IFI16: variants seen among roughly 807,000 people sequenced by gnomAD.
IFI16 encodes gamma-interferon-inducible protein 16.
A neutral mutation model predicts 68.4 loss-of-function variants in IFI16; 49 were observed. The ratio of observed to expected loss-of-function variants is 0.72; its 90% CI spans 0.57 to 0.91. The LOEUF (loss-of-function observed/expected upper bound fraction) is 0.91, where lower values mean the gene tolerates loss of function less well. Among genes scored for constraint, IFI16 ranks in the 40% least tolerant of loss-of-function variants. The probability of loss-of-function intolerance (pLI) is 0.00; values close to 1 mark genes in which losing one functional copy is unlikely to be tolerated. For missense variants in IFI16, 878 were observed against 942.9 expected (o/e 0.93, Z 0.90); for synonymous variants, 307 against 315.0 (o/e 0.97, Z 0.27).
chr1:159,025,629 C>T (rs1429368815), intron 6 of IFI16, among the ~76,000 whole-genome samples: 1 of 152,134 alleles, frequency 6.6e-6, no homozygotes, highest in East Asian at 1.9e-4. Flanking sequence ...TGTGGGTTGT[C>T]TGTTTACTGA....
At position 159,015,774 on chromosome 1, in the gene IFI16, GA is replaced by G. The variant is rs1398845827; in HGVS notation, c.266-97del. 3.5e-6 allele frequency: 3 copies of G among 869,196 alleles called. No individual in the cohort carries two copies. In the African/African-American group the frequency reaches 5.0e-5, roughly 15 times the overall value. 53.8% of individuals were successfully genotyped at this position (869,196 alleles called of 1,614,324 possible). On this transcript the variant is annotated intron_variant, in intron 2 of 11. Coordinates refer to ENST00000295809, the MANE Select transcript of IFI16 (RefSeq NM_001376587.1). ...ACAGCTGAACCCTCAAGCAGGAACT[GA>G]GAGCAAATTGTATTGAAACTGCTTC...
At chr1:159,029,301 A>C (rs762239277) in intron 6 of IFI16, among the ~76,000 whole-genome samples, 21 of 152,216 alleles carry the variant, frequency 1.4e-4, no homozygotes, top group Non-Finnish European at 2.5e-4. Context: ...TTGTTTAAGG[A>C]GGCTAAAGAT....
At chr1:159,018,803 A>G (rs546439517) in intron 5 of IFI16, 152 bp downstream of exon 5, 4 of 625,832 alleles carry the variant, frequency 6.4e-6, no homozygotes, top group Non-Finnish European at 1.1e-5. Flanking sequence ...CTCTGAAGAT[A>G]AGACTGGGAT....
chr1:159,007,111 A>C (rs1186850451), upstream of IFI16, among the ~76,000 whole-genome samples: 1 of 152,246 alleles, frequency 6.6e-6, no homozygotes, highest in Non-Finnish European at 1.5e-5. Context: ...TTGACTTCTA[A>C]TTTCAACTGA....
rs71757653 is a variant in IFI16 at position 159,019,261 on chromosome 1, CA to C, written c.972+622del. Among the ~76,000 whole-genome samples, 968 of 142,218 alleles carry C rather than the reference CA, an allele frequency of 6.8e-3. 2 individuals carry two copies. Among genetic ancestry groups the C allele is most frequent in the African/African-American group, 0.013 (503 of 39,616 alleles). The allele number at this position is 142,218 out of a possible 152,430, so 93.3% of individuals were successfully genotyped here. A position where few individuals can be genotyped will look rare whatever the true frequency, so the allele number is the denominator to read the frequency against. ...AAATTTGTCATTTATATATAAATAA[CA>C]AAAAAAAAAAATAGAGTACAGAGTG... On this transcript the variant is annotated intron_variant, in intron 5 of 11. Coordinates refer to ENST00000295809, the MANE Select transcript of IFI16 (RefSeq NM_001376587.1).
At position 159,018,444 on chromosome 1, in the gene IFI16, A is replaced by G. The variant is rs752397178; in HGVS notation, c.765A>G (p.Gly255=). Reference sequence around the variant, plus strand: ...CCAGCTTGAAGGAGAAATTCAATGGAAAGAAAATCATCATCATATCAGATT... The same window carrying G: ...CCAGCTTGAAGGAGAAATTCAATGGGAAGAAAATCATCATCATATCAGATT... ...LNTSLKEKFN[G]KKIIIISDYL... Residue 255 remains glycine (G), a synonymous_variant, in exon 5 of 12, where the codon GGA becomes GGG. Transcript: ENST00000295809. 1.9e-5 allele frequency: 30 copies of G among 1,613,704 alleles called. No individual in the cohort carries two copies. Among genetic ancestry groups the G allele is most frequent in the Admixed American group, 5.0e-5 (3 of 60,034 alleles).
chr1:159,042,101 G>A (rs1311135276), intron 7 of IFI16, among the ~76,000 whole-genome samples: 1 of 152,160 alleles, frequency 6.6e-6, no homozygotes, highest in Non-Finnish European at 1.5e-5. Context: ...CTCCGGTACA[G>A]CCATTTTCCC....
intron 7 of IFI16, among the ~76,000 whole-genome samples, chr1:159,036,729 C>T (rs1240229388): frequency 1.3e-5 from 2 of 152,172 alleles, no homozygotes; most frequent in African/African-American, 4.8e-5. Context: ...GTTAAGACCC[C>T]TGTGTTCATC....
chr1:159,036,236 A>T (rs1053084343), intron 7 of IFI16, among the ~76,000 whole-genome samples: 1 of 152,232 alleles, frequency 6.6e-6, no homozygotes, highest in African/African-American at 2.4e-5. Flanking sequence ...AACAGTCATG[A>T]TTGATGCTAT....
At chr1:159,040,182 G>GCAGATGCATGCATCA in intron 7 of IFI16, among the ~76,000 whole-genome samples, 1 of 152,152 alleles carries the variant, frequency 6.6e-6, no homozygotes, top group East Asian at 1.9e-4. Flanking sequence ...TAAATAAGCT[G>GCAGATGCATGCATCA]CAGATGCATG....
upstream of IFI16, among the ~76,000 whole-genome samples, chr1:159,008,679 G>A (rs1240908799): frequency 8.5e-5 from 13 of 152,068 alleles, no homozygotes; most frequent in Admixed American, 6.6e-4. Flanking sequence ...ATGTATCCAC[G>A]TAAAGAGTAC....
chr1:159,020,230 C>T (rs1420649065), intron 5 of IFI16, 111 bp from the exon 6 acceptor site: 2 of 721,102 alleles, frequency 2.8e-6, no homozygotes, highest in East Asian at 2.6e-5. Flanking sequence ...CATATCTGTA[C>T]TAGGAGTTGC....
intron 6 of IFI16, among the ~76,000 whole-genome samples, chr1:159,029,641 G>T (rs1653879893): frequency 6.8e-6 from 1 of 146,780 alleles, no homozygotes; most frequent in Non-Finnish European, 1.5e-5. Flanking sequence ...AGGTTTGGTT[G>T]TTTAACATAA....
At chr1:159,005,912 A>C (rs1270189292), upstream of IFI16, 1 of 152,704 alleles carries the variant, frequency 6.5e-6, no homozygotes, top group African/African-American at 2.4e-5. Context: ...CGGTATAGCT[A>C]TCCCCACCCC....
intron 2 of IFI16, among the ~76,000 whole-genome samples, chr1:159,015,148 A>G (rs1557863144): frequency 6.6e-6 from 1 of 151,038 alleles, no homozygotes; most frequent in Non-Finnish European, 1.5e-5. Context: ...GTATTTCAGA[A>G]TGTATATTTG....
chr1:159,006,654 T>G (rs1464618623), upstream of IFI16, among the ~76,000 whole-genome samples: 1 of 150,866 alleles, frequency 6.6e-6, no homozygotes, highest in Non-Finnish European at 1.5e-5. Context: ...CTTATTTACA[T>G]GAGAAGCAAG....
chr1:159,050,458 T>C (rs906163565), intron 9 of IFI16, among the ~76,000 whole-genome samples: 2 of 152,182 alleles, frequency 1.3e-5, no homozygotes, highest in Admixed American at 6.5e-5. Context: ...ATTAACTTCA[T>C]TGGGAATGGG....
At chr1:159,045,676 A>G (rs1266933502) in intron 8 of IFI16, among the ~76,000 whole-genome samples, 1 of 151,276 alleles carries the variant, frequency 6.6e-6, no homozygotes, top group South Asian at 2.1e-4. Flanking sequence ...GTATAATTAG[A>G]TATCTTTTTA....
chr1:159,009,892 A>G (rs1027904224), upstream of IFI16: 1 of 152,314 alleles, frequency 6.6e-6, no homozygotes, highest in South Asian at 2.1e-4. Flanking sequence ...GAGTCTCCAC[A>G]TTGTTTCCTA....
Sources: allele counts gnomAD v4.1 joint callset (sites outside exome capture counted in the v4.1 genomes callset), GRCh38; gene constraint gnomAD v4.1.1; transcripts MANE v1.5; gene names NCBI Gene and HGNC (gene_info 2026-07-23, HGNC 2026-07-21).